The following PLA2R1 variants were observed in gnomAD, a reference collection of about 807,000 sequenced individuals.
The protein encoded by PLA2R1 is phospholipase A2 receptor 1.
Under a neutral mutation model 195.9 loss-of-function variants are expected in PLA2R1, and 158 were observed. The observed-to-expected ratio is 0.81, with a 90% CI of 0.71 to 0.92. The LOEUF is 0.92. Ranked by LOEUF, PLA2R1 falls within the 40% of genes least tolerant of loss-of-function variation. The pLI is 0.00. For missense variants in PLA2R1, 1,626 were observed against 1,764.6 expected (o/e 0.92, Z 1.41); for synonymous variants, 586 against 598.2 (o/e 0.98, Z 0.30).
Position 159,970,229 on chromosome 2 carries a change from A to C in PLA2R1, c.2596-17T>G, listed in dbSNP as rs770486134. 6.3e-7 allele frequency: 1 copy of C among 1,589,598 alleles called. No homozygotes were observed. Among genetic ancestry groups the C allele is most frequent in the South Asian group, 1.1e-5 (1 of 89,144 alleles). Reference sequence around the variant, plus strand: ...CTTTGATAGCTATTGAAAGAAAAAAAGTCAGCATTTATTCTACTTGTTTTC... The same window carrying C: ...CTTTGATAGCTATTGAAAGAAAAAACGTCAGCATTTATTCTACTTGTTTTC... On this transcript the variant is annotated splice_polypyrimidine_tract_variant and intron_variant, in intron 17 of 29. Transcript: ENST00000283243.
Position 159,967,642 on chromosome 2 carries a change from G to A in PLA2R1, c.2801C>T (p.Pro934Leu). Residue 934 changes from proline to leucine, a missense_variant, in exon 20 of 30, where the codon CCT becomes CTT. Coordinates refer to ENST00000283243, the MANE Select transcript of PLA2R1 (RefSeq NM_007366.5). ...AACCTTTTTTCGCTTACAGATACTA[G>A]GCATAGAAACTGAACACTCTTCACT... Reference protein sequence around the residue: ...WGSEECSVSMPSICKRKKVWL... With the variant: ...WGSEECSVSMLSICKRKKVWL... 6.2e-7 allele frequency: 1 copy of A among 1,613,476 alleles called. No individual in the cohort carries two copies. The highest frequency in any genetic ancestry group is 8.5e-7 in the Non-Finnish European group (1 of 1,179,562).
At chr2:160,061,295 G>A (rs1002889634) in intron 1 of PLA2R1, among the ~76,000 whole-genome samples, 5 of 152,116 alleles carry the variant, frequency 3.3e-5, no homozygotes, top group East Asian at 1.9e-4. Flanking sequence ...TCTCAAATGC[G>A]GGCCCCTGCA....
At chr2:160,005,522 G>T in intron 11 of PLA2R1, 130 bp downstream of exon 11, 1 of 662,272 alleles carries the variant, frequency 1.5e-6, no homozygotes, top group Non-Finnish European at 2.6e-6. Context: ...GTTAACCTGT[G>T]TTGATCCTTG....
At chr2:159,975,365 T>C (rs1009969317) in intron 17 of PLA2R1, among the ~76,000 whole-genome samples, 4 of 152,216 alleles carry the variant, frequency 2.6e-5, no homozygotes, top group Non-Finnish European at 4.4e-5. Context: ...ACTGAAAAAG[T>C]ACACTATTCT....
At chr2:160,001,931 T>C (rs1462181679) in intron 11 of PLA2R1, among the ~76,000 whole-genome samples, 1 of 151,240 alleles carries the variant, frequency 6.6e-6, no homozygotes, top group Non-Finnish European at 1.5e-5. Flanking sequence ...AGGCTATAGA[T>C]GATCTGAACA....
chr2:160,026,681 A>G (rs866677758), intron 6 of PLA2R1, among the ~76,000 whole-genome samples: 2 of 152,218 alleles, frequency 1.3e-5, no homozygotes, highest in Non-Finnish European at 2.9e-5. Context: ...GTTAAACTAA[A>G]TATGATTTCA....
At chr2:159,950,419 G>A (rs1025502460) in intron 24 of PLA2R1, among the ~76,000 whole-genome samples, 6 of 152,194 alleles carry the variant, frequency 3.9e-5, no homozygotes, top group Non-Finnish European at 7.3e-5. Context: ...TTAAGTGTAC[G>A]CAGCAATTTT....
chr2:159,931,142 G>A (rs1184804942), downstream of PLA2R1, among the ~76,000 whole-genome samples: 1 of 152,208 alleles, frequency 6.6e-6, no homozygotes, highest in Non-Finnish European at 1.5e-5. Context: ...CTCCACCCAT[G>A]GGTTCCCTCA....
At chr2:160,049,062 C>A (rs940417611) in intron 1 of PLA2R1, among the ~76,000 whole-genome samples, 2 of 151,876 alleles carry the variant, frequency 1.3e-5, no homozygotes, top group Non-Finnish European at 2.9e-5. Flanking sequence ...GGGATGGTCT[C>A]GATCTCCTGA....
chr2:159,943,267 G>C lies in PLA2R1; in HGVS notation c.4145-1108C>G, dbSNP rs545303641. Among the ~76,000 whole-genome samples the C allele has an allele frequency of 3.0e-4, 45 of 152,012 alleles. 1 individual carries two copies. Among genetic ancestry groups the C allele is most frequent in the Middle Eastern group, 3.4e-3 (1 of 292 alleles). On this transcript the variant is annotated intron_variant, in intron 28 of 29. Coordinates refer to ENST00000283243, the MANE Select transcript of PLA2R1 (RefSeq NM_007366.5). Reference sequence around the variant, plus strand: ...TTTACAGGCGTGAGCCACCACCCCCGGCCCAGACTTGTTCTTTTAATATAA... The same window carrying C: ...TTTACAGGCGTGAGCCACCACCCCCCGCCCAGACTTGTTCTTTTAATATAA...
rs974773370 is a variant in PLA2R1 at position 159,937,900 on chromosome 2, C to G, written c.*3878G>C. The G allele has an allele frequency of 3.3e-5, 5 of 152,124 alleles. No individual in the cohort carries two copies. The highest frequency in any genetic ancestry group is 1.2e-4 in the African/African-American group (5 of 41,424). 9.4% of individuals were successfully genotyped at this position (152,124 alleles called of 1,614,324 possible). A position where few individuals can be genotyped will look rare whatever the true frequency, so the allele number is the denominator to read the frequency against. Reference sequence around the variant, plus strand: ...AGAAGCTTCACTGACATCAATACTTCGAATATTTTTCTTTGGAGCCATGGA... The same window carrying G: ...AGAAGCTTCACTGACATCAATACTTGGAATATTTTTCTTTGGAGCCATGGA... On this transcript the variant is annotated 3_prime_UTR_variant, in exon 30 of 30. Transcript: ENST00000283243.
intron 6 of PLA2R1, among the ~76,000 whole-genome samples, chr2:160,025,432 C>T (rs984058187): frequency 6.6e-5 from 10 of 151,446 alleles, no homozygotes; most frequent in African/African-American, 1.7e-4. Flanking sequence ...AAGAAATGCA[C>T]GATATTAAAA....
At chr2:159,929,642 A>C (rs1312052765), downstream of PLA2R1, among the ~76,000 whole-genome samples, 1 of 152,194 alleles carries the variant, frequency 6.6e-6, no homozygotes, top group Non-Finnish European at 1.5e-5. Context: ...CAGCAATCCC[A>C]CTACTGGCTG....
At chr2:159,993,820 A>G (rs1691009773) in intron 11 of PLA2R1, among the ~76,000 whole-genome samples, 1 of 152,260 alleles carries the variant, frequency 6.6e-6, no homozygotes, top group South Asian at 2.1e-4. Flanking sequence ...ACTCCATAGT[A>G]ATGCTAAAAA....
intron 20 of PLA2R1, among the ~76,000 whole-genome samples, chr2:159,965,541 C>G (rs1271982376): frequency 6.6e-6 from 1 of 152,016 alleles, no homozygotes; most frequent in Admixed American, 6.6e-5. Context: ...ATTTATTCAC[C>G]TACTAGGGAC....
intron 17 of PLA2R1, 88 bp from the exon 18 acceptor site, chr2:159,970,300 A>G: frequency 2.5e-6 from 2 of 787,640 alleles, no homozygotes; most frequent in Non-Finnish European, 4.1e-6. Context: ...ATAGCTTTCT[A>G]TTCTTCAGTA....
At chr2:159,961,773 G>A (rs1688460560) in intron 20 of PLA2R1, among the ~76,000 whole-genome samples, 1 of 152,154 alleles carries the variant, frequency 6.6e-6, no homozygotes, top group Admixed American at 6.6e-5. Flanking sequence ...GAGGACACAT[G>A]GGATGGAGGT....
At chr2:159,969,431 TTC>T (rs1688999206) in intron 18 of PLA2R1, 72 bp from the exon 19 acceptor site, 2 of 801,092 alleles carry the variant, frequency 2.5e-6, no homozygotes, top group Non-Finnish European at 4.3e-6. Flanking sequence ...ATTCTTAGAG[TTC>T]TGAGGTAGGG....
chr2:160,046,668 G>A lies in PLA2R1; in HGVS notation c.110-1511C>T, dbSNP rs192800381. ...CCTTACCTATAGCCATAGATTTGAGGAGTTGAATTAGTTGTCAGAGAATTG... is the reference window on the plus strand; with the variant it reads ...CCTTACCTATAGCCATAGATTTGAGAAGTTGAATTAGTTGTCAGAGAATTG... On this transcript the variant is annotated intron_variant, in intron 1 of 29. Transcript: ENST00000283243. 6.6e-5 allele frequency among the ~76,000 whole-genome samples: 10 copies of A among 152,230 alleles called. No homozygotes were observed. In the East Asian group the frequency reaches 1.9e-3, roughly 29 times the overall value.
Sources: allele counts gnomAD v4.1 joint callset (sites outside exome capture counted in the v4.1 genomes callset), GRCh38; gene constraint gnomAD v4.1.1; transcripts MANE v1.5; gene names NCBI Gene and HGNC (gene_info 2026-07-23, HGNC 2026-07-21).